The following MAP4K3 variants were observed in gnomAD, a reference collection of about 807,000 sequenced individuals.
MAP4K3 encodes the protein MAPK/ERK kinase kinase kinase 3.
Under a neutral mutation model 143.5 loss-of-function variants are expected in MAP4K3, and 94 were observed. The observed-to-expected ratio is 0.65, with a 90% confidence interval of 0.55 to 0.78. The LOEUF (loss-of-function observed/expected upper bound fraction) is 0.78. Ranked by LOEUF, MAP4K3 falls within the 30% of genes least tolerant of loss-of-function variation. MAP4K3 has a pLI of 0.00. For missense variants in MAP4K3, 1,077 were observed against 1,068.1 expected, an observed-to-expected ratio of 1.01 and a Z score of -0.12; for synonymous variants, 416 against 347.2, an observed-to-expected ratio of 1.20 and a Z score of -2.20.
intron 1 of MAP4K3, among the ~76,000 whole-genome samples, chr2:39,384,275 G>A (rs745526567): frequency 9.2e-5 from 14 of 152,118 alleles, no homozygotes; most frequent in Non-Finnish European, 1.9e-4. Context: ...GCCGGGCGTC[G>A]TGGCTCATGC....
chr2:39,355,286 G>A (rs537473014), intron 3 of MAP4K3, among the ~76,000 whole-genome samples: 11 of 148,414 alleles, frequency 7.4e-5, no homozygotes, highest in Admixed American at 2.0e-4. Context: ...ACTTGAACCC[G>A]GGAGGTGGAA....
intron 21 of MAP4K3, among the ~76,000 whole-genome samples, chr2:39,285,169 G>A (rs1396497005): frequency 1.3e-5 from 2 of 152,168 alleles, no homozygotes; most frequent in Non-Finnish European, 2.9e-5. Context: ...TGGGATTACA[G>A]ATGTGACGGC....
At chr2:39,267,427 C>T (rs1573072544) in intron 26 of MAP4K3, 180 bp from the exon 27 acceptor site, 10 of 546,676 alleles carry the variant, frequency 1.8e-5, no homozygotes, top group Non-Finnish European at 3.0e-5. Flanking sequence ...AATCCCAGCA[C>T]TTTGGGAGGC....
At chr2:39,290,521 C>T (rs72925230) in intron 18 of MAP4K3, among the ~76,000 whole-genome samples, 187 bp from the exon 19 acceptor site, 3,140 of 152,048 alleles carry the variant, frequency 0.021, 100 homozygotes, top group African/African-American at 0.073. Flanking sequence ...TAACTGGGAA[C>T]TGGAGGACAT....
At chr2:39,356,116 T>A in intron 3 of MAP4K3, 133 bp downstream of exon 3, 1 of 596,286 alleles carries the variant, frequency 1.7e-6, no homozygotes, top group Non-Finnish European at 3.0e-6. Context: ...AAAATTCCAT[T>A]GGTATGAAAA....
At chr2:39,277,633 C>T (rs909721624) in intron 24 of MAP4K3, among the ~76,000 whole-genome samples, 2 of 151,894 alleles carry the variant, frequency 1.3e-5, no homozygotes, top group Admixed American at 6.6e-5. Context: ...GGCGTAATCT[C>T]GGCTCACTGT....
intron 2 of MAP4K3, among the ~76,000 whole-genome samples, chr2:39,357,310 T>C (rs951731493): frequency 2.6e-5 from 4 of 152,260 alleles, no homozygotes; most frequent in Non-Finnish European, 5.9e-5. Context: ...GTATTACTAA[T>C]TCAGCTTTTA....
In MAP4K3 at chr2:39,267,260, A is replaced by G; in HGVS notation, c.1974-13T>C. 1 of 1,603,574 alleles carries G rather than the reference A, an allele frequency of 6.2e-7. No homozygotes were observed. ...TACAGAAAATTTCCTAAATGTAAAT[A>G]AAAGTGAGTACGTAATATATGTAGG... On this transcript the variant is annotated splice_polypyrimidine_tract_variant and intron_variant, in intron 26 of 33. Coordinates refer to ENST00000263881, the MANE Select transcript of MAP4K3 (RefSeq NM_003618.4).
intron 31 of MAP4K3, among the ~76,000 whole-genome samples, chr2:39,256,697 T>G (rs1212495157): frequency 6.6e-6 from 1 of 152,242 alleles, no homozygotes; most frequent in East Asian, 1.9e-4. Flanking sequence ...CTAATCTTGT[T>G]TGATTTTAGC....
At chr2:39,298,964 C>CAAAAAA (rs371633915) in intron 16 of MAP4K3, among the ~76,000 whole-genome samples, 5 of 68,506 alleles carry the variant, frequency 7.3e-5, no homozygotes, top group African/African-American at 2.1e-4. Context: ...CACTCTGCCT[C>CAAAAAA]AAAAAAAAAA....
At chr2:39,286,134 G>T (rs1171852731) in intron 21 of MAP4K3, among the ~76,000 whole-genome samples, 1 of 152,186 alleles carries the variant, frequency 6.6e-6, no homozygotes, top group African/African-American at 2.4e-5. Context: ...CACAGATGGG[G>T]GTTGAAGGGG....
intron 16 of MAP4K3, among the ~76,000 whole-genome samples, chr2:39,298,964 CAAAAAAAAAA>C (rs371633915): frequency 1.5e-5 from 1 of 68,508 alleles, no homozygotes. Flanking sequence ...CACTCTGCCT[CAAAAAAAAAA>C]AAAAAAAAGG....
At chr2:39,418,516 G>C (rs961638278) in intron 1 of MAP4K3, among the ~76,000 whole-genome samples, 4 of 152,096 alleles carry the variant, frequency 2.6e-5, no homozygotes, top group Non-Finnish European at 5.9e-5. Context: ...TTAGTGACTT[G>C]CTTCCAAACA....
At chr2:39,345,921 CAAAAAAAA>C (rs66729858) in intron 3 of MAP4K3, among the ~76,000 whole-genome samples, 40 of 15,848 alleles carry the variant, frequency 2.5e-3, no homozygotes, top group South Asian at 0.013. Flanking sequence ...GACTCTGTCT[CAAAAAAAA>C]AAAAAAAAAA....
At chr2:39,362,614 C>A (rs1465748454) in intron 2 of MAP4K3, among the ~76,000 whole-genome samples, 1 of 152,098 alleles carries the variant, frequency 6.6e-6, no homozygotes, top group Non-Finnish European at 1.5e-5. Context: ...TTAAAATGTT[C>A]GTACTACCCA....
chr2:39,272,488 T>C lies in MAP4K3; in HGVS notation c.1849A>G (p.Ile617Val), dbSNP rs1180510258. ...TAAAAACTAATATACTTACCAGATA[T>C]TGATAGCAAGCAATTGTTCATTACA... ...LYVMNNCLLS[I>V]SGKASQLYSH... The change falls in exon 25 of 34, where the codon ATA (isoleucine) becomes GTA (valine). Residue 617 changes from isoleucine (I) to valine (V), a missense_variant. Ile to Val is a conservative substitution (Grantham distance 29). Coordinates refer to ENST00000263881, the MANE Select transcript of MAP4K3 (RefSeq NM_003618.4). 2 of 1,612,820 alleles carry C rather than the reference T, an allele frequency of 1.2e-6. No homozygotes were observed. Among genetic ancestry groups the C allele is most frequent in the South Asian group, 1.1e-5 (1 of 91,036 alleles).
chr2:39,334,104 G>A (rs1016348611), intron 6 of MAP4K3, among the ~76,000 whole-genome samples: 19 of 151,900 alleles, frequency 1.3e-4, no homozygotes, highest in African/African-American at 4.3e-4. Context: ...CTATCCTAAT[G>A]TGCCTTACCA....
At chr2:39,367,060 A>C (rs1026119657) in intron 2 of MAP4K3, among the ~76,000 whole-genome samples, 1 of 152,240 alleles carries the variant, frequency 6.6e-6, no homozygotes, top group Non-Finnish European at 1.5e-5. Flanking sequence ...TGAAGAAAAC[A>C]ACCCTTCAAA....
intron 2 of MAP4K3, among the ~76,000 whole-genome samples, chr2:39,361,865 A>C (rs779559946): frequency 4.6e-5 from 7 of 152,038 alleles, no homozygotes; most frequent in Admixed American, 3.3e-4. Context: ...ATGTTAGCTT[A>C]TGAGAGTCAT....
Sources: gnomAD v4.1 joint callset for allele counts (sites outside exome capture counted in the v4.1 genomes callset) on GRCh38, gnomAD v4.1.1 for gene constraint, MANE v1.5 for transcripts, NCBI Gene and HGNC (gene_info 2026-07-23, HGNC 2026-07-21) for gene names.